Variants in SPRED1 observed in about 807,000 individuals in gnomAD.
SPRED1 encodes the protein sprouty-related, EVH1 domain-containing protein 1.
In SPRED1, 18 loss-of-function variants were observed where a neutral mutation model predicts 52.3. The observed-to-expected ratio is 0.34, with a 90% CI of 0.24 to 0.51. The LOEUF is 0.51. Among genes scored for constraint, SPRED1 ranks in the 20% least tolerant of loss-of-function variants. The pLI is 0.97. For synonymous variants in SPRED1, 155 were observed against 179.7 expected (o/e 0.86, Z 1.10); for missense variants, 485 against 551.0 (o/e 0.88, Z 1.20).
chr15:38,280,873 G>A (rs1894672023), intron 1 of SPRED1, among the ~76,000 whole-genome samples: 1 of 152,130 alleles, frequency 6.6e-6, no homozygotes, highest in African/African-American at 2.4e-5. Flanking sequence ...TTTGCTAGTG[G>A]GTGAGCCTAG....
chr15:38,279,554 G>A (rs1472832564), intron 1 of SPRED1, among the ~76,000 whole-genome samples: 2 of 152,128 alleles, frequency 1.3e-5, no homozygotes. Flanking sequence ...AACTTCCATT[G>A]GTACTTTTGA....
At chr15:38,308,525 T>TATTTTGTTCTCTCAATTATTTCCGTA (rs1895297828) in intron 2 of SPRED1, among the ~76,000 whole-genome samples, 1 of 152,240 alleles carries the variant, frequency 6.6e-6, no homozygotes, top group South Asian at 2.1e-4. Context: ...AGGCAACCAC[T>TATTTTGTTCTCTCAATTATTTCCGTA]ATTTTGTTCT....
chr15:38,310,548 A>G (rs1314811064), intron 2 of SPRED1, among the ~76,000 whole-genome samples: 1 of 152,208 alleles, frequency 6.6e-6, no homozygotes, highest in Admixed American at 6.5e-5. Flanking sequence ...GGGAGAATGG[A>G]CATCTTTACT....
intron 2 of SPRED1, among the ~76,000 whole-genome samples, chr15:38,313,037 CA>C (rs1306832596): frequency 6.6e-6 from 1 of 151,874 alleles, no homozygotes; most frequent in Non-Finnish European, 1.5e-5. Context: ...CCCACATACA[CA>C]AAAAACACTT....
intron 1 of SPRED1, among the ~76,000 whole-genome samples, chr15:38,267,940 AG>A (rs975992680): frequency 6.6e-6 from 1 of 152,356 alleles, no homozygotes; most frequent in Non-Finnish European, 1.5e-5. Flanking sequence ...GTGTTTAAAA[AG>A]CTTTCCATCT....
chr15:38,303,165 A>G (rs1895183026), intron 2 of SPRED1, among the ~76,000 whole-genome samples: 1 of 151,270 alleles, frequency 6.6e-6, no homozygotes, highest in South Asian at 2.1e-4. Context: ...AATGTGGGCA[A>G]CAGAGCGAGA....
At chr15:38,264,010 T>G (rs1370883381) in intron 1 of SPRED1, among the ~76,000 whole-genome samples, 1 of 152,138 alleles carries the variant, frequency 6.6e-6, no homozygotes, top group African/African-American at 2.4e-5. Context: ...AGGGCGAAGT[T>G]AGTAGTTGAA....
intron 2 of SPRED1, among the ~76,000 whole-genome samples, chr15:38,303,618 C>T (rs1895192353): frequency 6.6e-6 from 1 of 152,006 alleles, no homozygotes; most frequent in Non-Finnish European, 1.5e-5. Flanking sequence ...CTACTAAACA[C>T]AGTTTTTAGT....
chr15:38,301,719 G>T (rs1430165756), intron 2 of SPRED1, among the ~76,000 whole-genome samples: 1 of 152,132 alleles, frequency 6.6e-6, no homozygotes, highest in Non-Finnish European at 1.5e-5. Flanking sequence ...GACTACTTCT[G>T]AAAAGTCCAG....
Position 38,299,387 on chromosome 15 carries a change from G to T in SPRED1, c.47G>T (p.Arg16Leu), listed in dbSNP as rs757726772. The change falls in exon 2 of 7, where the codon CGA becomes CTA. Residue 16 changes from arginine to leucine, a missense_variant. Physicochemically the swap from Arg to Leu is moderately radical, Grantham distance 102. Transcript: ENST00000299084. Reference sequence around the variant, plus strand: ...ATCTATTTTAGTAATAGTTATGCACGAGTGCGAGCTGTGGTGATGACCCGA... The same window carrying T: ...ATCTATTTTAGTAATAGTTATGCACTAGTGCGAGCTGTGGTGATGACCCGA... ...ATSDNDNSYA[R>L]VRAVVMTRDD... is the part of the protein sequence containing the mutation. 2 of 1,613,784 alleles carry T rather than the reference G, an allele frequency of 1.2e-6. No homozygotes were observed. The highest frequency in any genetic ancestry group is 1.7e-4 in the Middle Eastern group (1 of 6,056).
intron 1 of SPRED1, among the ~76,000 whole-genome samples, chr15:38,293,009 C>A (rs576531793): frequency 1.3e-5 from 2 of 149,592 alleles, no homozygotes; most frequent in South Asian, 4.3e-4. Flanking sequence ...TCATTTATTT[C>A]TTATAGCACT....
chr15:38,337,013 TC>T (rs1895937961), intron 4 of SPRED1, among the ~76,000 whole-genome samples: 2 of 152,304 alleles, frequency 1.3e-5, no homozygotes, highest in South Asian at 4.2e-4. Flanking sequence ...ATTTTAGTAC[TC>T]TTTTTTTCTT....
chr15:38,329,093 G>A (rs975034114), intron 4 of SPRED1, among the ~76,000 whole-genome samples: 1 of 152,066 alleles, frequency 6.6e-6, no homozygotes, highest in Non-Finnish European at 1.5e-5. Flanking sequence ...TGACAGAGTT[G>A]TCACAACATT....
At chr15:38,323,853 T>C (rs1288196987) in intron 3 of SPRED1, among the ~76,000 whole-genome samples, 3 of 152,158 alleles carry the variant, frequency 2.0e-5, no homozygotes, top group Admixed American at 6.5e-5. Flanking sequence ...AAGTTTATGC[T>C]CATGTACCAT....
chr15:38,348,275 A>G (rs773822372), intron 5 of SPRED1, among the ~76,000 whole-genome samples: 7 of 152,020 alleles, frequency 4.6e-5, no homozygotes, highest in East Asian at 3.9e-4. Flanking sequence ...ATGCCTTCCC[A>G]GACCATTTAA....
chr15:38,324,863 C>G lies in SPRED1; in HGVS notation c.423+54C>G. The G allele has an allele frequency of 2.2e-6, 3 of 1,373,060 alleles. No homozygotes were observed. The South Asian group carries it at 3.6e-5, about 16-fold the overall frequency. The allele number at this position is 1,373,060 out of a possible 1,614,324, so 85.1% of individuals were successfully genotyped here. A position where few individuals can be genotyped will look rare whatever the true frequency, so the allele number is the denominator to read the frequency against. Reference sequence around the variant, plus strand: ...AACATAAAGGATGTGGAAGAAATCACTAGCCTTATTCAATAAACTTATCAA... The same window carrying G: ...AACATAAAGGATGTGGAAGAAATCAGTAGCCTTATTCAATAAACTTATCAA... On this transcript the variant is annotated intron_variant, in intron 4 of 6. Coordinates refer to ENST00000299084, the MANE Select transcript of SPRED1 (RefSeq NM_152594.3).
intron 2 of SPRED1, among the ~76,000 whole-genome samples, chr15:38,316,752 T>G (rs1308649273): frequency 8.9e-5 from 13 of 146,182 alleles, no homozygotes; most frequent in African/African-American, 3.0e-4. Flanking sequence ...TTATATGTTT[T>G]TTTTTTTTTT....
chr15:38,290,534 G>C (rs1309451428), intron 1 of SPRED1, among the ~76,000 whole-genome samples: 1 of 152,166 alleles, frequency 6.6e-6, no homozygotes, highest in East Asian at 1.9e-4. Flanking sequence ...TACTGTGTTA[G>C]TTTGTTTTCA....
rs1176975901 is a variant in SPRED1, at chr15:38,353,315, A to G, written c.*1651A>G. On this transcript the variant is annotated 3_prime_UTR_variant, in exon 7 of 7. Coordinates refer to ENST00000299084, the MANE Select transcript of SPRED1 (RefSeq NM_152594.3). ...CCCCAGATCAAACTGAACAATGTAT[A>G]TAACACTATCTGTCTGTAAAATACT... is the stretch of plus-strand genomic sequence containing the variant. 1 of 145,398 alleles carries G rather than the reference A, an allele frequency of 6.9e-6. No individual in the cohort carries two copies. Among genetic ancestry groups the G allele is most frequent in the Non-Finnish European group, 1.6e-5 (1 of 64,348 alleles). The allele number at this position is 145,398 out of a possible 1,614,324, so 9.0% of individuals were successfully genotyped here.
Sources: allele counts gnomAD v4.1 joint callset (sites outside exome capture counted in the v4.1 genomes callset), GRCh38; gene constraint gnomAD v4.1.1; transcripts MANE v1.5; gene names NCBI Gene and HGNC (gene_info 2026-07-23, HGNC 2026-07-21).